Variants in MMS22L observed in about 807,000 individuals in gnomAD.
MMS22L encodes the protein protein MMS22-like.
Under a neutral mutation model 159.1 loss-of-function variants are expected in MMS22L, and 74 were observed. That is an observed-to-expected ratio of 0.47 (90% CI 0.39 to 0.56). The LOEUF (loss-of-function observed/expected upper bound fraction) is 0.56. MMS22L is among the 20% of genes least tolerant of loss of function. The probability of loss-of-function intolerance (pLI) is 0.00; values close to 1 mark genes in which losing one functional copy is unlikely to be tolerated. For synonymous variants in MMS22L, 517 were observed against 506.9 expected, an observed-to-expected ratio of 1.02 and a Z score of -0.27; for missense variants, 1,351 against 1,422.1, an observed-to-expected ratio of 0.95 and a Z score of 0.80.
At chr6:97,194,583 T>A (rs1057514540) in intron 14 of MMS22L, among the ~76,000 whole-genome samples, 3 of 152,234 alleles carry the variant, frequency 2.0e-5, no homozygotes, top group African/African-American at 7.2e-5. Flanking sequence ...TAGGCCTTAT[T>A]TAATTCCTGC....
chr6:97,229,109 C>T lies in MMS22L; in HGVS notation c.1824G>A (p.Val608=). Residue 608 remains valine (V), a synonymous_variant, in exon 14 of 25, where the codon GTG becomes GTA. Coordinates refer to ENST00000683635, the MANE Select transcript of MMS22L (RefSeq NM_001350599.2). ...TCTGTACCATTTCCTCATTCTTAGA[C>T]ACCAAGAATTCCTTTGCTTTCTCCC... ...AFREKAKEFL[V]SKNEEMVQRQ... is the part of the protein sequence containing the mutation. 1 of 1,614,058 alleles carries T rather than the reference C, an allele frequency of 6.2e-7. No individual in the cohort carries two copies. Among genetic ancestry groups the T allele is most frequent in the Non-Finnish European group, 8.5e-7 (1 of 1,179,948 alleles).
chr6:97,226,806 C>T (rs1810310837), intron 14 of MMS22L, among the ~76,000 whole-genome samples: 1 of 152,122 alleles, frequency 6.6e-6, no homozygotes, highest in Non-Finnish European at 1.5e-5. Context: ...AACCTTAGCA[C>T]TGCTGAAGAT....
At chr6:97,206,738 A>G (rs1187020964) in intron 14 of MMS22L, among the ~76,000 whole-genome samples, 2 of 152,138 alleles carry the variant, frequency 1.3e-5, no homozygotes, top group Admixed American at 6.6e-5. Flanking sequence ...AATACCATCT[A>G]AACATGGCTA....
At chr6:97,149,827 C>T in intron 24 of MMS22L, 26 bp downstream of exon 24, 1 of 1,551,396 alleles carries the variant, frequency 6.4e-7, no homozygotes, top group South Asian at 1.2e-5. Flanking sequence ...CTGCCCCCCC[C>T]AATGTAATTA....
Position 97,173,844 on chromosome 6 carries a change from GA to G in MMS22L, c.2680-623del, listed in dbSNP as rs1269964272. ...CAGTAAGAGAAGAACAGAGACATGA[GA>G]AGAAGAGGAAAGGAAATAAATGAGA... On this transcript the variant is annotated intron_variant, in intron 18 of 24. Coordinates refer to ENST00000683635, the MANE Select transcript of MMS22L (RefSeq NM_001350599.2). Among the ~76,000 whole-genome samples, 12 of 152,132 alleles carry G rather than the reference GA, an allele frequency of 7.9e-5. No homozygotes were observed. In the East Asian group the frequency reaches 2.1e-3, roughly 27 times the overall value.
chr6:97,192,226 A>AT (rs1305734943), intron 14 of MMS22L, among the ~76,000 whole-genome samples: 1 of 151,954 alleles, frequency 6.6e-6, no homozygotes, highest in East Asian at 1.9e-4. Context: ...GAATGAATGA[A>AT]TATGTGAAAT....
In MMS22L at chr6:97,186,549, A is replaced by G. The variant is rs1216316682; in HGVS notation, c.2181T>C (p.Ser727=). The G allele has an allele frequency of 2.5e-6, 4 of 1,613,082 alleles. No homozygotes were observed. The highest frequency in any genetic ancestry group is 3.4e-6 in the Non-Finnish European group (4 of 1,179,562). Residue 727 remains serine (S), a synonymous_variant, in exon 15 of 25, where the codon AGT becomes AGC. Transcript: ENST00000683635. ...LWRHFFSFLK[S]QRMSQVVPFS... ...AAGGCACTACCTGTGACATTCTCTG[A>G]CTCTTCAAAAATGAAAAGAAATGTC... is the stretch of plus-strand genomic sequence containing the variant.
intron 19 of MMS22L, among the ~76,000 whole-genome samples, chr6:97,171,832 T>G (rs1307399220): frequency 6.6e-6 from 1 of 152,196 alleles, no homozygotes; most frequent in Non-Finnish European, 1.5e-5. Context: ...CTCCAAAGTT[T>G]ATACTTTGCT....
intron 14 of MMS22L, among the ~76,000 whole-genome samples, chr6:97,196,325 T>A (rs1309515508): frequency 6.6e-6 from 1 of 152,014 alleles, no homozygotes; most frequent in African/African-American, 2.4e-5. Flanking sequence ...AAAAAAATAA[T>A]AGAGTTGCAG....
rs756599259 is a variant in MMS22L at position 97,229,084 on chromosome 6, T to C, written c.1849A>G (p.Arg617Gly). 6.2e-7 allele frequency: 1 copy of C among 1,614,162 alleles called. No individual in the cohort carries two copies. The highest frequency in any genetic ancestry group is 8.5e-7 in the Non-Finnish European group (1 of 1,180,004). ...GAAAGAAGGGTCCAGATAGTCTGTC[T>C]CTGTACCATTTCCTCATTCTTAGAC... ...LVSKNEEMVQ[R>G]QTIWTLLSIY... is the part of the protein sequence containing the mutation. The change falls in exon 14 of 25, where the codon AGA (arginine) becomes GGA (glycine). Residue 617 changes from arginine to glycine, a missense_variant. Arg to Gly is a moderately radical substitution (Grantham distance 125). Transcript: ENST00000683635.
chr6:97,252,689 T>C (rs1582799000), intron 10 of MMS22L, among the ~76,000 whole-genome samples: 1 of 151,828 alleles, frequency 6.6e-6, no homozygotes, highest in African/African-American at 2.4e-5. Flanking sequence ...ATGTGTATTC[T>C]CTGATAGGCA....
At chr6:97,219,878 C>A (rs779858060) in intron 14 of MMS22L, among the ~76,000 whole-genome samples, 31 of 152,150 alleles carry the variant, frequency 2.0e-4, no homozygotes, top group Admixed American at 4.6e-4. Context: ...CTCTCATCAA[C>A]ATACTACTAA....
intron 15 of MMS22L, among the ~76,000 whole-genome samples, chr6:97,184,475 C>T (rs891723360): frequency 6.6e-6 from 1 of 152,096 alleles, no homozygotes; most frequent in African/African-American, 2.4e-5. Flanking sequence ...AACATGCCTA[C>T]TTGGATTTAA....
At chr6:97,257,562 G>A (rs1024487440) in intron 9 of MMS22L, among the ~76,000 whole-genome samples, 2 of 152,246 alleles carry the variant, frequency 1.3e-5, no homozygotes, top group African/African-American at 4.8e-5. Context: ...CTCCCAAGTA[G>A]CTGGGACCAC....
At chr6:97,281,438 T>C in intron 2 of MMS22L, 76 bp from the exon 3 acceptor site, 1 of 1,240,320 alleles carries the variant, frequency 8.1e-7, no homozygotes. Context: ...CTTTACATTA[T>C]TTGAATCCAT....
intron 24 of MMS22L, among the ~76,000 whole-genome samples, chr6:97,147,816 C>T (rs548173367): frequency 6.6e-6 from 1 of 152,282 alleles, no homozygotes; most frequent in East Asian, 1.9e-4. Context: ...CCAGTCCGCA[C>T]CCCCTGCCTT....
intron 6 of MMS22L, 50 bp downstream of exon 6, chr6:97,272,654 T>G: frequency 6.7e-7 from 1 of 1,488,056 alleles, no homozygotes; most frequent in Non-Finnish European, 9.2e-7. Context: ...GAATACTCCT[T>G]GTGGGGAGAA....
chr6:97,215,458 G>A (rs145213512), intron 14 of MMS22L, among the ~76,000 whole-genome samples: 31 of 152,158 alleles, frequency 2.0e-4, no homozygotes, highest in Non-Finnish European at 4.0e-4. Flanking sequence ...GGCAGCAGCC[G>A]GTAGCCTCTC....
chr6:97,176,514 T>TA (rs1475430385), intron 18 of MMS22L, among the ~76,000 whole-genome samples: 2 of 152,124 alleles, frequency 1.3e-5, no homozygotes, highest in African/African-American at 4.8e-5. Context: ...TTTGGGGTCT[T>TA]AGATTTTGAA....
Sources: allele counts gnomAD v4.1 joint callset (sites outside exome capture counted in the v4.1 genomes callset), GRCh38; gene constraint gnomAD v4.1.1; transcripts MANE v1.5; gene names NCBI Gene and HGNC (gene_info 2026-07-23, HGNC 2026-07-21).